Variants in GTF2F2 observed in about 807,000 individuals in gnomAD.
GTF2F2 encodes ATP-dependent helicase GTF2F2.
Under a neutral mutation model 42.2 loss-of-function variants are expected in GTF2F2, and 23 were observed. That is an observed-to-expected ratio of 0.55 (90% confidence interval 0.39 to 0.77). The LOEUF is 0.77. Ranked by LOEUF, GTF2F2 falls within the 30% of genes least tolerant of loss-of-function variation. The probability of loss-of-function intolerance (pLI) is 0.00; values close to 1 mark genes in which losing one functional copy is unlikely to be tolerated. For synonymous variants in GTF2F2, 105 were observed against 100.8 expected (o/e 1.04, Z -0.25); for missense variants, 261 against 287.2 (o/e 0.91, Z 0.66).
intron 4 of GTF2F2, among the ~76,000 whole-genome samples, chr13:45,171,842 C>T (rs1001724752): frequency 3.3e-5 from 5 of 151,460 alleles, no homozygotes; most frequent in Admixed American, 6.6e-5. Flanking sequence ...AAATGGAATC[C>T]TAAAATACTT....
chr13:45,257,865 CA>C (rs1876168742), intron 6 of GTF2F2, among the ~76,000 whole-genome samples: 2 of 152,092 alleles, frequency 1.3e-5, no homozygotes, highest in African/African-American at 4.8e-5. Context: ...GTTGTGCCTT[CA>C]TGTTTTCATT....
intron 5 of GTF2F2, among the ~76,000 whole-genome samples, chr13:45,244,618 CTATT>C (rs1185574462): frequency 1.3e-5 from 2 of 152,052 alleles, no homozygotes; most frequent in Non-Finnish European, 1.5e-5. Flanking sequence ...AGTAACAAAG[CTATT>C]TAATTTTATA....
At chr13:45,157,133 T>G (rs1317201928) in intron 4 of GTF2F2, among the ~76,000 whole-genome samples, 1 of 152,102 alleles carries the variant, frequency 6.6e-6, no homozygotes, top group East Asian at 1.9e-4. Flanking sequence ...GGTAGCCATG[T>G]GGAGTGAGTT....
In GTF2F2 at chr13:45,268,909, A is replaced by C. The variant is rs372598473; in HGVS notation, c.630+1533A>C. ...AGTGTGTCTTTTGGTTTTGGTTCTT[A>C]AGATATTTTTTATATGGTAGTACTC... is the stretch of plus-strand genomic sequence containing the variant. On this transcript the variant is annotated intron_variant, in intron 7 of 7. Coordinates refer to ENST00000340473, the MANE Select transcript of GTF2F2 (RefSeq NM_004128.3). 6.6e-5 allele frequency among the ~76,000 whole-genome samples: 10 copies of C among 152,264 alleles called. No individual in the cohort carries two copies. In the South Asian group the frequency reaches 1.0e-3, roughly 16 times the overall value.
At chr13:45,167,793 C>CAGGCCTCCCAAACCTCCCA (rs1374790405) in intron 4 of GTF2F2, among the ~76,000 whole-genome samples, 4 of 152,054 alleles carry the variant, frequency 2.6e-5, no homozygotes, top group Non-Finnish European at 4.4e-5. Flanking sequence ...CCTCCCACCT[C>CAGGCCTCCCAAACCTCCCA]AGGCCTCCCA....
In GTF2F2 at chr13:45,277,067, T is replaced by TG. The variant is rs1877065775; in HGVS notation, c.631-6371dup. Among the ~76,000 whole-genome samples the TG allele has an allele frequency of 2.0e-5, 3 of 151,936 alleles. No individual in the cohort carries two copies. In the South Asian group the frequency reaches 6.2e-4, roughly 32 times the overall value. On this transcript the variant is annotated intron_variant, in intron 7 of 7. Transcript: ENST00000340473. ...GTGGAAGATAGGAGGCGGGATCTAG[T>TG]GGGGAAGAGGAAGTGAAACCAGGAG...
At chr13:45,189,824 TTAG>T (rs1035918312) in intron 4 of GTF2F2, among the ~76,000 whole-genome samples, 3 of 152,292 alleles carry the variant, frequency 2.0e-5, no homozygotes, top group African/African-American at 7.2e-5. Context: ...AAATTAAGAA[TTAG>T]TAGACTTCCT....
At chr13:45,180,631 T>G (rs1226363830) in intron 4 of GTF2F2, among the ~76,000 whole-genome samples, 1 of 152,186 alleles carries the variant, frequency 6.6e-6, no homozygotes, top group African/African-American at 2.4e-5. Flanking sequence ...AATTGTACTT[T>G]TATTTCTACA....
intron 1 of GTF2F2, among the ~76,000 whole-genome samples, chr13:45,132,543 T>C (rs1204073144): frequency 1.3e-5 from 2 of 151,950 alleles, no homozygotes; most frequent in Non-Finnish European, 2.9e-5. Context: ...ACAGAAGTTA[T>C]AATCTTATGT....
At chr13:45,148,484 G>T (rs1159122745) in intron 2 of GTF2F2, among the ~76,000 whole-genome samples, 1 of 151,856 alleles carries the variant, frequency 6.6e-6, no homozygotes, top group Non-Finnish European at 1.5e-5. Context: ...CTCACTTCTG[G>T]TACTGTATTT....
intron 4 of GTF2F2, among the ~76,000 whole-genome samples, chr13:45,158,912 T>C (rs947044541): frequency 6.6e-6 from 1 of 152,256 alleles, no homozygotes; most frequent in Non-Finnish European, 1.5e-5. Flanking sequence ...TAGCTTGTTT[T>C]AGTTACTCAC....
At chr13:45,164,973 A>T (rs1871204832) in intron 4 of GTF2F2, among the ~76,000 whole-genome samples, 1 of 152,232 alleles carries the variant, frequency 6.6e-6, no homozygotes, top group Admixed American at 6.5e-5. Flanking sequence ...AGTTTTAATT[A>T]TGGCATATAG....
chr13:45,191,344 C>T (rs1484682073), intron 4 of GTF2F2, among the ~76,000 whole-genome samples: 1 of 148,024 alleles, frequency 6.8e-6, no homozygotes, highest in African/African-American at 2.5e-5. Context: ...CTCATGGCAA[C>T]TATAGTAACC....
At position 45,283,601 on chromosome 13, in the gene GTF2F2, C is replaced by T. The variant is rs761340438; in HGVS notation, c.*40C>T. The T allele has an allele frequency of 1.7e-5, 26 of 1,533,256 alleles. No individual in the cohort carries two copies. Among genetic ancestry groups the T allele is most frequent in the South Asian group, 7.7e-5 (6 of 77,622 alleles). The allele number at this position is 1,533,256 out of a possible 1,614,324, so 95.0% of individuals were successfully genotyped here. On this transcript the variant is annotated 3_prime_UTR_variant, in exon 8 of 8. Transcript: ENST00000340473. ...AGCATGCTAGTGAAACGACTAGCAG[C>T]GATGCTATGCAAAAGGCGCTGATAC...
intron 4 of GTF2F2, among the ~76,000 whole-genome samples, chr13:45,200,222 G>C (rs1873107717): frequency 6.6e-6 from 1 of 152,078 alleles, no homozygotes; most frequent in African/African-American, 2.4e-5. Context: ...AGACAGGGAG[G>C]AGGGAAAGAA....
intron 1 of GTF2F2, among the ~76,000 whole-genome samples, chr13:45,133,102 A>G (rs1410481488): frequency 6.6e-6 from 1 of 152,198 alleles, no homozygotes; most frequent in African/African-American, 2.4e-5. Flanking sequence ...ATTGGCTTTA[A>G]TCAGGATTAA....
intron 4 of GTF2F2, chr13:45,194,113 GAACGATC>G: frequency 6.2e-7 from 1 of 1,613,970 alleles, no homozygotes; most frequent in Non-Finnish European, 8.5e-7. Flanking sequence ...TAATCCTTGT[GAACGATC>G]GTGGTTATCT....
rs1869635061 is a variant in GTF2F2 at position 45,136,596 on chromosome 13, G to A, written c.67-137G>A. Reference sequence around the variant, plus strand: ...TTTACGTGTCTTAGTATTTTATATAGTGTAAAACATACAGTAGTAACTTGA... The same window carrying A: ...TTTACGTGTCTTAGTATTTTATATAATGTAAAACATACAGTAGTAACTTGA... On this transcript the variant is annotated intron_variant, in intron 1 of 7. Transcript: ENST00000340473. 1.1e-5 allele frequency: 6 copies of A among 555,896 alleles called. No individual in the cohort carries two copies. The South Asian group carries it at 1.6e-4, about 15-fold the overall frequency. The allele number at this position is 555,896 out of a possible 1,614,324, so 34.4% of individuals were successfully genotyped here. A position where few individuals can be genotyped will look rare whatever the true frequency, so the allele number is the denominator to read the frequency against.
intron 5 of GTF2F2, among the ~76,000 whole-genome samples, chr13:45,219,010 G>T (rs1278954203): frequency 6.6e-6 from 1 of 152,022 alleles, no homozygotes; most frequent in Admixed American, 6.6e-5. Context: ...AAGAGAAGAT[G>T]TTGGGGGTTT....
Sources: allele counts gnomAD v4.1 joint callset (sites outside exome capture counted in the v4.1 genomes callset), GRCh38; gene constraint gnomAD v4.1.1; transcripts MANE v1.5; gene names NCBI Gene and HGNC (gene_info 2026-07-23, HGNC 2026-07-21).